The following MPLKIP variants were observed in gnomAD, a reference collection of about 807,000 sequenced individuals.
The protein encoded by MPLKIP is M-phase specific PLK1 interacting protein.
Under a neutral mutation model 16.9 loss-of-function variants are expected in MPLKIP, and 16 were observed. That is an observed-to-expected ratio of 0.94 (90% CI 0.64 to 1.43). The LOEUF is 1.43. Ranked by LOEUF, MPLKIP falls within the 40% of genes most tolerant of loss-of-function variation. The pLI, the probability that MPLKIP is intolerant of heterozygous loss-of-function variation, is 0.00. For synonymous variants in MPLKIP, 126 were observed against 98.4 expected, an observed-to-expected ratio of 1.28 and a Z score of -1.66; for missense variants, 282 against 237.6, an observed-to-expected ratio of 1.19 and a Z score of -1.23.
Position 40,128,422 on chromosome 7 carries a change from T to C in MPLKIP, c.*4637A>G, listed in dbSNP as rs538973943. On this transcript the variant is annotated 3_prime_UTR_variant, in exon 2 of 2. Coordinates refer to ENST00000306984, the MANE Select transcript of MPLKIP (RefSeq NM_138701.4). ...ATGTACTGGCAAGGGTTAATGAAAATGTTTCTCTTAAGAATCTGAAAATGT... is the reference window on the plus strand; with the variant it reads ...ATGTACTGGCAAGGGTTAATGAAAACGTTTCTCTTAAGAATCTGAAAATGT... 4 of 152,266 alleles carry C rather than the reference T, an allele frequency of 2.6e-5. No individual in the cohort carries two copies. In the South Asian group the frequency reaches 8.3e-4, roughly 32 times the overall value. 9.4% of individuals were successfully genotyped at this position (152,266 alleles called of 1,614,324 possible). A position where few individuals can be genotyped will look rare whatever the true frequency, so the allele number is the denominator to read the frequency against.
Position 40,134,531 on chromosome 7 carries a change from A to G in MPLKIP, c.37T>C (p.Tyr13His). ...CAACCTCCTCCACCCGGACCAGGGT[A>G]AGGAGGAGTTGGGGGCCGAAAATTC... ...RQNFRPPTPP[Y>H]PGPGGGGWGS... Residue 13 changes from tyrosine (Y) to histidine (H), a missense_variant, in exon 1 of 2, where the codon TAC (tyrosine) becomes CAC (histidine). Physicochemically the swap from Tyr to His is moderately conservative, Grantham distance 83 (BLOSUM62 2). Transcript: ENST00000306984. The G allele has an allele frequency of 6.3e-7, 1 of 1,594,926 alleles. No homozygotes were observed. The highest frequency in any genetic ancestry group is 8.5e-7 in the Non-Finnish European group (1 of 1,172,470).
In MPLKIP at chr7:40,126,240, C is replaced by A. The variant is rs1056120707; in HGVS notation, c.*6819G>T. 1.1e-4 allele frequency: 17 copies of A among 152,130 alleles called. No individual in the cohort carries two copies. The highest frequency in any genetic ancestry group is 3.9e-4 in the African/African-American group (16 of 41,434). The allele number at this position is 152,130 out of a possible 1,614,324, so 9.4% of individuals were successfully genotyped here. A position where few individuals can be genotyped will look rare whatever the true frequency, so the allele number is the denominator to read the frequency against. On this transcript the variant is annotated 3_prime_UTR_variant, in exon 2 of 2. Coordinates refer to ENST00000306984, the MANE Select transcript of MPLKIP (RefSeq NM_138701.4). ...ATAGAGAGTACAGCATATTGTTTTG[C>A]AGACTTTTAAATTTGACGTAAAGAA...
chr7:40,134,251 C>G lies in MPLKIP; in HGVS notation c.317G>C (p.Gly106Ala). The stretch of plus-strand genomic sequence containing the variant: ...TACCTGGGGGTGGGTCTGCTGCTGC[C>G]CTGGGGAGTAGCCGAATTGCTGCTG... ...GSQQQFGYSPGQQQTHPQGSP... is the reference protein window; with the variant it reads ...GSQQQFGYSPAQQQTHPQGSP... The change falls in exon 1 of 2, where the codon GGG becomes GCG. Residue 106 changes from glycine (G) to alanine (A), a missense_variant. Coordinates refer to ENST00000306984, the MANE Select transcript of MPLKIP (RefSeq NM_138701.4). The G allele has an allele frequency of 6.4e-7, 1 of 1,558,804 alleles. No individual in the cohort carries two copies.
Position 40,131,652 on chromosome 7 carries a change from C to G in MPLKIP, c.*1407G>C, listed in dbSNP as rs1283935102. On this transcript the variant is annotated 3_prime_UTR_variant, in exon 2 of 2. Transcript: ENST00000306984. ...AGACCAGGAGTTCAATCGAGACCAG[C>G]CTGGCCAACACGGTGAAACCCCATC... The G allele has an allele frequency of 6.6e-6, 1 of 152,224 alleles. No individual in the cohort carries two copies. Among genetic ancestry groups the G allele is most frequent in the Admixed American group, 6.5e-5 (1 of 15,272 alleles). The allele number at this position is 152,224 out of a possible 1,614,324, so 9.4% of individuals were successfully genotyped here.
rs1262697046 is a variant in MPLKIP, at chr7:40,134,377, C to G, written c.191G>C (p.Ser64Thr). The G allele has an allele frequency of 1.9e-6, 3 of 1,557,384 alleles. No homozygotes were observed. Among genetic ancestry groups the G allele is most frequent in the African/African-American group, 2.7e-5 (2 of 73,616 alleles). The change falls in exon 1 of 2, where the codon AGT (serine) becomes ACT (threonine). Residue 64 changes from serine to threonine, a missense_variant. Coordinates refer to ENST00000306984, the MANE Select transcript of MPLKIP (RefSeq NM_138701.4). ...YGPRSRPYGS[S>T]HSPRHGGSFP... ...GCTGCCGCCGTGTCGCGGAGAGTGA[C>G]TGCTCCCGTACGGCCTAGACCGGGG... is the stretch of plus-strand genomic sequence containing the variant.
In MPLKIP at chr7:40,127,985, G is replaced by C. The variant is rs1165958797; in HGVS notation, c.*5074C>G. ...TTGAACCCAGGAGGCGGAGGTTGCA[G>C]TGAGCCGAGATCACACCACTGCACT... On this transcript the variant is annotated 3_prime_UTR_variant, in exon 2 of 2. Coordinates refer to ENST00000306984, the MANE Select transcript of MPLKIP (RefSeq NM_138701.4). 3 of 152,276 alleles carry C rather than the reference G, an allele frequency of 2.0e-5. No individual in the cohort carries two copies. Among genetic ancestry groups the C allele is most frequent in the African/African-American group, 7.3e-5 (3 of 41,328 alleles). 9.4% of individuals were successfully genotyped at this position (152,276 alleles called of 1,614,324 possible). A position where few individuals can be genotyped will look rare whatever the true frequency, so the allele number is the denominator to read the frequency against.
rs980058856 is a variant in MPLKIP at position 40,128,364 on chromosome 7, A to C, written c.*4695T>G. ...CAGGAGACTTTGGCCTATGTAAAAC[A>C]ATTAATATGGAATTTATAGAACCTA... On this transcript the variant is annotated 3_prime_UTR_variant, in exon 2 of 2. Transcript: ENST00000306984. The C allele has an allele frequency of 2.6e-5, 4 of 152,214 alleles. No homozygotes were observed. Among genetic ancestry groups the C allele is most frequent in the African/African-American group, 2.4e-5 (1 of 41,458 alleles). 9.4% of individuals were successfully genotyped at this position (152,214 alleles called of 1,614,324 possible).
rs1217398470 is a variant in MPLKIP at position 40,126,982 on chromosome 7, T to A, written c.*6077A>T. ...CCACCATGCCTGGCTATTTTTTTTT[T>A]TTTATTTTTAGTAGAGACGGGGTTT... is the stretch of plus-strand genomic sequence containing the variant. On this transcript the variant is annotated 3_prime_UTR_variant, in exon 2 of 2. Transcript: ENST00000306984. 1.3e-5 allele frequency: 2 copies of A among 151,880 alleles called. No homozygotes were observed. Among genetic ancestry groups the A allele is most frequent in the African/African-American group, 4.8e-5 (2 of 41,360 alleles). The allele number at this position is 151,880 out of a possible 1,614,324, so 9.4% of individuals were successfully genotyped here.
In MPLKIP at chr7:40,129,144, A is replaced by C. The variant is rs1252086647; in HGVS notation, c.*3915T>G. ...ACACAATGTACCCACAAAGGAAATG[A>C]TTTTTTGAATAGTCCAGAAACAAAA... On this transcript the variant is annotated 3_prime_UTR_variant, in exon 2 of 2. Coordinates refer to ENST00000306984, the MANE Select transcript of MPLKIP (RefSeq NM_138701.4). 1 of 152,078 alleles carries C rather than the reference A, an allele frequency of 6.6e-6. No homozygotes were observed. Among genetic ancestry groups the C allele is most frequent in the African/African-American group, 2.4e-5 (1 of 41,414 alleles). The allele number at this position is 152,078 out of a possible 1,614,324, so 9.4% of individuals were successfully genotyped here.
At position 40,130,263 on chromosome 7, in the gene MPLKIP, T is replaced by G. The variant is rs1395252482; in HGVS notation, c.*2796A>C. On this transcript the variant is annotated 3_prime_UTR_variant, in exon 2 of 2. Transcript: ENST00000306984. ...TTTTATAGAGGTAAAATGTGTATCC[T>G]AGAACATTAAAAAACAATCCCTTTC... is the stretch of plus-strand genomic sequence containing the variant. 6.6e-6 allele frequency: 1 copy of G among 152,212 alleles called. No homozygotes were observed. Among genetic ancestry groups the G allele is most frequent in the East Asian group, 1.9e-4 (1 of 5,204 alleles). 9.4% of individuals were successfully genotyped at this position (152,212 alleles called of 1,614,324 possible).
In MPLKIP at chr7:40,127,283, G is replaced by C. The variant is rs1787404001; in HGVS notation, c.*5776C>G. 6.6e-6 allele frequency: 1 copy of C among 152,142 alleles called. No individual in the cohort carries two copies. The highest frequency in any genetic ancestry group is 2.1e-4 in the South Asian group (1 of 4,816). The allele number at this position is 152,142 out of a possible 1,614,324, so 9.4% of individuals were successfully genotyped here. A position where few individuals can be genotyped will look rare whatever the true frequency, so the allele number is the denominator to read the frequency against. On this transcript the variant is annotated 3_prime_UTR_variant, in exon 2 of 2. Coordinates refer to ENST00000306984, the MANE Select transcript of MPLKIP (RefSeq NM_138701.4). ...TAAAAAATTAGCAGGGTGTGGTGGT[G>C]CGTGCCTGTTGTCCCAGTTACTTGG...
rs1464505078 is a variant in MPLKIP, at chr7:40,128,108, T to TG, written c.*4950dup. 3 of 152,082 alleles carry TG rather than the reference T, an allele frequency of 2.0e-5. No homozygotes were observed. Among genetic ancestry groups the TG allele is most frequent in the Non-Finnish European group, 4.4e-5 (3 of 68,038 alleles). The allele number at this position is 152,082 out of a possible 1,614,324, so 9.4% of individuals were successfully genotyped here. A position where few individuals can be genotyped will look rare whatever the true frequency, so the allele number is the denominator to read the frequency against. On this transcript the variant is annotated 3_prime_UTR_variant, in exon 2 of 2. Coordinates refer to ENST00000306984, the MANE Select transcript of MPLKIP (RefSeq NM_138701.4). ...ATATCAGGTGTACTGATGACTACTA[T>TG]GTATTTTTTTTTTTCAGACTAGTCA...
In MPLKIP at chr7:40,132,577, C is replaced by A. The variant is rs190660175; in HGVS notation, c.*482G>T. 1 of 189,954 alleles carries A rather than the reference C, an allele frequency of 5.3e-6. No individual in the cohort carries two copies. The highest frequency in any genetic ancestry group is 5.4e-5 in the Admixed American group (1 of 18,360). 11.8% of individuals were successfully genotyped at this position (189,954 alleles called of 1,614,324 possible). On this transcript the variant is annotated 3_prime_UTR_variant, in exon 2 of 2. Coordinates refer to ENST00000306984, the MANE Select transcript of MPLKIP (RefSeq NM_138701.4). ...ATGAACAGAACTCTGTTATTCTCAT[C>A]CTCATTATTTACGAACAAATACAGA...
rs987593037 is a variant in MPLKIP at position 40,130,463 on chromosome 7, T to C, written c.*2596A>G. ...AAAACTCAGGCCAGGTCTCTAGAAG[T>C]AGATGTTGGTAAGCGTTAGCAAGAA... On this transcript the variant is annotated 3_prime_UTR_variant, in exon 2 of 2. Coordinates refer to ENST00000306984, the MANE Select transcript of MPLKIP (RefSeq NM_138701.4). The C allele has an allele frequency of 1.3e-5, 2 of 152,120 alleles. No individual in the cohort carries two copies. Among genetic ancestry groups the C allele is most frequent in the Admixed American group, 1.3e-4 (2 of 15,280 alleles). 9.4% of individuals were successfully genotyped at this position (152,120 alleles called of 1,614,324 possible).
At position 40,131,113 on chromosome 7, in the gene MPLKIP, G is replaced by GTTCTGGGCTGGGC. The variant is rs1787454650; in HGVS notation, c.*1945_*1946insGCCCAGCCCAGAA. On this transcript the variant is annotated 3_prime_UTR_variant, in exon 2 of 2. Coordinates refer to ENST00000306984, the MANE Select transcript of MPLKIP (RefSeq NM_138701.4). Reference sequence around the variant, plus strand: ...CTATTAATTTTCTCATCTTACACATGAGAAAATTGAGGCATAGAGAAGTGA... The same window carrying GTTCTGGGCTGGGC: ...CTATTAATTTTCTCATCTTACACATGTTCTGGGCTGGGCAGAAAATTGAGGCATAGAGAAGTGA... 5 of 152,098 alleles carry GTTCTGGGCTGGGC rather than the reference G, an allele frequency of 3.3e-5. No homozygotes were observed. The highest frequency in any genetic ancestry group is 1.2e-4 in the African/African-American group (5 of 41,382). The allele number at this position is 152,098 out of a possible 1,614,324, so 9.4% of individuals were successfully genotyped here.
rs1335750594 is a variant in MPLKIP at position 40,133,015 on chromosome 7, AG to A, written c.*43del. 2 of 1,557,146 alleles carry A rather than the reference AG, an allele frequency of 1.3e-6. No homozygotes were observed. On this transcript the variant is annotated 3_prime_UTR_variant, in exon 2 of 2. Coordinates refer to ENST00000306984, the MANE Select transcript of MPLKIP (RefSeq NM_138701.4). ...TCAACACAACTTAAAGTTTTGTCCA[AG>A]ATGTTCCTGACACATGAAGCTTCCA...
At position 40,132,522 on chromosome 7, in the gene MPLKIP, A is replaced by G. The variant is rs528114061; in HGVS notation, c.*537T>C. On this transcript the variant is annotated 3_prime_UTR_variant, in exon 2 of 2. Coordinates refer to ENST00000306984, the MANE Select transcript of MPLKIP (RefSeq NM_138701.4). ...TTTCTGGGGCTTCAAGTTTTAATGC[A>G]TTTTAACAGAAGCATTAGATAAAAT... The G allele has an allele frequency of 6.1e-6, 1 of 164,822 alleles. No homozygotes were observed. Among genetic ancestry groups the G allele is most frequent in the African/African-American group, 2.4e-5 (1 of 41,618 alleles). 10.2% of individuals were successfully genotyped at this position (164,822 alleles called of 1,614,324 possible).
Position 40,132,702 on chromosome 7 carries a change from A to G in MPLKIP, c.*357T>C. 1 of 327,462 alleles carries G rather than the reference A, an allele frequency of 3.1e-6. No homozygotes were observed. The highest frequency in any genetic ancestry group is 1.1e-3 in the Middle Eastern group (1 of 936). 20.3% of individuals were successfully genotyped at this position (327,462 alleles called of 1,614,324 possible). On this transcript the variant is annotated 3_prime_UTR_variant, in exon 2 of 2. Coordinates refer to ENST00000306984, the MANE Select transcript of MPLKIP (RefSeq NM_138701.4). ...CTAAGTGACTACAAAGCATTACTGT[A>G]GTAAGTCTACTTCTTTATCATACCA...
rs1787469462 is a variant in MPLKIP at position 40,131,966 on chromosome 7, A to T, written c.*1093T>A. On this transcript the variant is annotated 3_prime_UTR_variant, in exon 2 of 2. Transcript: ENST00000306984. ...GAGCCGAAGGTTGCAGTGAGCCAAG[A>T]TTGCACCACTGCACTCCAGCTTGGG... 1 of 152,224 alleles carries T rather than the reference A, an allele frequency of 6.6e-6. No individual in the cohort carries two copies. The highest frequency in any genetic ancestry group is 6.5e-5 in the Admixed American group (1 of 15,278). The allele number at this position is 152,224 out of a possible 1,614,324, so 9.4% of individuals were successfully genotyped here.
Sources: allele counts gnomAD v4.1 joint callset, GRCh38; gene constraint gnomAD v4.1.1; transcripts MANE v1.5; gene names NCBI Gene and HGNC (gene_info 2026-07-23, HGNC 2026-07-21).